Variants in CMIP observed in about 807,000 individuals in gnomAD.
CMIP encodes the protein c-Maf inducing protein.
A neutral mutation model predicts 97.3 loss-of-function variants in CMIP; 13 were observed. The ratio of observed to expected loss-of-function variants is 0.13; its 90% confidence interval spans 0.09 to 0.21. The LOEUF (loss-of-function observed/expected upper bound fraction) is 0.21. CMIP is among the 10% of genes least tolerant of loss of function. CMIP has a pLI of 1.00. For synonymous variants in CMIP, 538 were observed against 436.3 expected, an observed-to-expected ratio of 1.23 and a Z score of -2.91; for missense variants, 847 against 1,024.9, an observed-to-expected ratio of 0.83 and a Z score of 2.37.
chr16:81,470,774 A>G (rs1368235609), intron 1 of CMIP, among the ~76,000 whole-genome samples: 1 of 152,264 alleles, frequency 6.6e-6, no homozygotes, highest in Admixed American at 6.5e-5. Flanking sequence ...GGGATTTTGT[A>G]AGTAGAAAAT....
intron 1 of CMIP, among the ~76,000 whole-genome samples, chr16:81,495,038 C>T (rs78714596): frequency 1.3e-5 from 2 of 152,296 alleles, no homozygotes; most frequent in Non-Finnish European, 2.9e-5. Context: ...AAACCTTACA[C>T]TTGGGGACTG....
At chr16:81,612,239 A>C (rs1351399022) in intron 2 of CMIP, among the ~76,000 whole-genome samples, 1 of 152,226 alleles carries the variant, frequency 6.6e-6, no homozygotes, top group Non-Finnish European at 1.5e-5. Context: ...GCTGCCCATC[A>C]GCAAAAATTA....
rs183835696 is a variant in CMIP, at chr16:81,553,519, C to G, written c.301-54048C>G. On this transcript the variant is annotated intron_variant, in intron 1 of 20. Transcript: ENST00000537098. ...ATATATTCCAAACAGAGCCCACTGCCTGTCCCGGCGCCAGCTTCGAACAGG... is the reference window on the plus strand; with the variant it reads ...ATATATTCCAAACAGAGCCCACTGCGTGTCCCGGCGCCAGCTTCGAACAGG... 9.3e-4 allele frequency among the ~76,000 whole-genome samples: 141 copies of G among 152,352 alleles called. 1 individual carries two copies. The highest frequency in any genetic ancestry group is 3.3e-3 in the African/African-American group (136 of 41,590).
At chr16:81,622,129 A>G (rs1013105415) in intron 3 of CMIP, 1 of 152,204 alleles carries the variant, frequency 6.6e-6, no homozygotes, top group African/African-American at 2.4e-5. Flanking sequence ...CATAAGGTTG[A>G]TGATTATCGT....
intron 15 of CMIP, among the ~76,000 whole-genome samples, chr16:81,700,736 A>C (rs1315929521): frequency 2.0e-5 from 3 of 152,198 alleles, no homozygotes; most frequent in Admixed American, 6.5e-5. Flanking sequence ...CTGTGGGGAC[A>C]TCCCGGGCGG....
chr16:81,615,476 T>C (rs1403066862), intron 2 of CMIP, among the ~76,000 whole-genome samples: 5 of 148,484 alleles, frequency 3.4e-5, no homozygotes, highest in African/African-American at 1.3e-4. Context: ...TGTGTATTTG[T>C]GTGTGTGGTG....
intron 1 of CMIP, among the ~76,000 whole-genome samples, chr16:81,580,738 A>G (rs2091282632): frequency 6.7e-6 from 1 of 149,320 alleles, no homozygotes; most frequent in South Asian, 2.3e-4. Context: ...TCCTGGTTGC[A>G]GTGAGCCGAA....
chr16:81,672,427 G>A (rs939888044), intron 9 of CMIP, among the ~76,000 whole-genome samples: 2 of 152,156 alleles, frequency 1.3e-5, no homozygotes, highest in African/African-American at 4.8e-5. Context: ...TGTGTGCACT[G>A]TACACATACA....
chr16:81,618,676 T>G (rs1270891410), intron 2 of CMIP: 1 of 152,228 alleles, frequency 6.6e-6, no homozygotes, highest in African/African-American at 2.4e-5. Context: ...AGGTGTGGAA[T>G]CAGCCAAAAT....
At position 81,482,707 on chromosome 16, in the gene CMIP, C is replaced by G. The variant is rs903862663; in HGVS notation, c.300+37166C>G. Among the ~76,000 whole-genome samples the G allele has an allele frequency of 7.9e-5, 12 of 152,284 alleles. 1 individual carries two copies. In the Middle Eastern group the frequency reaches 0.014, roughly 173 times the overall value. ...ATGTGCTTTGGGCAGGAAATGCAGG[C>G]TGCATCTTCCCATTGCTGGAGAAGG... On this transcript the variant is annotated intron_variant, in intron 1 of 20. Transcript: ENST00000537098.
intron 1 of CMIP, among the ~76,000 whole-genome samples, chr16:81,594,645 G>A (rs1441494836): frequency 3.9e-5 from 6 of 152,002 alleles, no homozygotes; most frequent in African/African-American, 1.2e-4. Flanking sequence ...ACGGAGTCTC[G>A]CTCTGTTCCC....
At chr16:81,663,315 C>A (rs1224411771) in intron 6 of CMIP, among the ~76,000 whole-genome samples, 1 of 151,064 alleles carries the variant, frequency 6.6e-6, no homozygotes, top group Non-Finnish European at 1.5e-5. Flanking sequence ...AAAAAACGAG[C>A]TAGCAGACCA....
intron 1 of CMIP, among the ~76,000 whole-genome samples, chr16:81,562,500 C>T (rs1437248766): frequency 3.9e-5 from 6 of 152,250 alleles, no homozygotes; most frequent in African/African-American, 1.2e-4. Context: ...TGCCCAGCTG[C>T]GGGCCTCTTG....
intron 3 of CMIP, among the ~76,000 whole-genome samples, chr16:81,647,421 CAG>C (rs1410686650): frequency 3.3e-5 from 5 of 152,300 alleles, no homozygotes; most frequent in African/African-American, 1.2e-4. Context: ...CAAAAACAGG[CAG>C]GGGGCTGGGT....
At chr16:81,445,949 A>C (rs539533064) in intron 1 of CMIP, among the ~76,000 whole-genome samples, 1 of 147,494 alleles carries the variant, frequency 6.8e-6, no homozygotes, top group Admixed American at 6.6e-5. Context: ...AAAACAAAAT[A>C]CCACCCCTCA....
chr16:81,520,582 GA>G, intron 1 of CMIP: 1 of 150,146 alleles, frequency 6.7e-6, no homozygotes, highest in Non-Finnish European at 1.5e-5. Context: ...GAGAGAGAGA[GA>G]GAGAGAGAGA....
chr16:81,671,857 G>T lies in CMIP; in HGVS notation c.930-109G>T, dbSNP rs1254803613. ...TCTCAGAGCCCCCCAAGTGGCGCTG[G>T]CAGAGCGGGCAGCCCCGTGCCTGAG... On this transcript the variant is annotated intron_variant, in intron 8 of 20. Coordinates refer to ENST00000537098, the MANE Select transcript of CMIP (RefSeq NM_198390.3). 3 of 582,906 alleles carry T rather than the reference G, an allele frequency of 5.1e-6. No individual in the cohort carries two copies. In the African/African-American group the frequency reaches 5.6e-5, roughly 11 times the overall value. The allele number at this position is 582,906 out of a possible 1,614,324, so 36.1% of individuals were successfully genotyped here.
chr16:81,519,503 C>A (rs921063409), intron 1 of CMIP: 1 of 152,254 alleles, frequency 6.6e-6, no homozygotes, highest in African/African-American at 2.4e-5. Flanking sequence ...CCTCCCATGC[C>A]CCAGGGCAGT....
Position 81,657,780 on chromosome 16 carries a change from A to C in CMIP, c.645A>C (p.Thr215=). 6.2e-7 allele frequency: 1 copy of C among 1,607,620 alleles called. No individual in the cohort carries two copies. Among genetic ancestry groups the C allele is most frequent in the East Asian group, 2.2e-5 (1 of 44,610 alleles). The change falls in exon 5 of 21, where the codon ACA becomes ACC. Residue 215 remains threonine, a synonymous_variant. Coordinates refer to ENST00000537098, the MANE Select transcript of CMIP (RefSeq NM_198390.3). The stretch of plus-strand genomic sequence containing the variant: ...GTCTCCATTCAATCCTTTAGAACAC[A>C]AACTTGACCACCCAGGAGCATGAAA... ...EIVSKLLSEN[T]NLTTQEHENI...
Sources: gnomAD v4.1 joint callset for allele counts (sites outside exome capture counted in the v4.1 genomes callset) on GRCh38, gnomAD v4.1.1 for gene constraint, MANE v1.5 for transcripts, NCBI Gene and HGNC (gene_info 2026-07-23, HGNC 2026-07-21) for gene names.